The following PLD1 variants were observed in gnomAD, a reference collection of about 807,000 sequenced individuals.
The protein encoded by PLD1 is choline phosphatase 1.
PLD1 carries 112 observed loss-of-function variants against 137.1 expected under a neutral mutation model. The ratio of observed to expected loss-of-function variants is 0.82; its 90% confidence interval spans 0.70 to 0.96. The LOEUF is 0.96. Among genes scored for constraint, PLD1 ranks in the 40% least tolerant of loss-of-function variants. PLD1 has a pLI of 0.00. For missense variants in PLD1, 1,321 were observed against 1,342.0 expected (o/e 0.98, Z 0.24); for synonymous variants, 431 against 454.7 (o/e 0.95, Z 0.66).
chr3:171,637,433 C>G (rs930336158), intron 23 of PLD1, among the ~76,000 whole-genome samples: 3 of 151,704 alleles, frequency 2.0e-5, no homozygotes, highest in African/African-American at 7.3e-5. Context: ...ATGGGTTTCA[C>G]CATGTTGGCC....
At chr3:171,656,725 T>C (rs975075673) in intron 21 of PLD1, among the ~76,000 whole-genome samples, 7 of 152,342 alleles carry the variant, frequency 4.6e-5, no homozygotes, top group South Asian at 2.1e-4. Flanking sequence ...CAGGATATGA[T>C]GGATGCTGTA....
At chr3:171,723,802 A>C (rs1035913516) in intron 8 of PLD1, among the ~76,000 whole-genome samples, 1 of 152,094 alleles carries the variant, frequency 6.6e-6, no homozygotes, top group Non-Finnish European at 1.5e-5. Flanking sequence ...TCTTTTGTCC[A>C]TTTTTAAATC....
chr3:171,752,368 T>C (rs1359994261), intron 1 of PLD1, among the ~76,000 whole-genome samples: 2 of 152,218 alleles, frequency 1.3e-5, no homozygotes, highest in Non-Finnish European at 2.9e-5. Flanking sequence ...AGGGACTCAG[T>C]GAATTTTTAT....
chr3:171,635,742 A>T (rs919064880), intron 23 of PLD1, among the ~76,000 whole-genome samples: 2 of 151,918 alleles, frequency 1.3e-5, no homozygotes, highest in African/African-American at 4.8e-5. Context: ...GATAATGTTC[A>T]TTGGAGCACA....
At chr3:171,773,870 TC>T (rs1722497834) in intron 1 of PLD1, among the ~76,000 whole-genome samples, 1 of 152,068 alleles carries the variant, frequency 6.6e-6, no homozygotes, top group East Asian at 2.0e-4. Context: ...TGCCTCAGCC[TC>T]CCGAGTAGCT....
At chr3:171,690,595 T>G (rs4894494) in intron 13 of PLD1, among the ~76,000 whole-genome samples, 78,767 of 152,044 alleles carry the variant, frequency 0.52, 21,714 homozygotes, top group African/African-American at 0.72. Flanking sequence ...ATTTTTGTTT[T>G]ATCATTGCTT....
rs554563927 is a variant in PLD1 at position 171,787,707 on chromosome 3, T to C, written c.-32+22692A>G. On this transcript the variant is annotated intron_variant, in intron 1 of 26. Transcript: ENST00000351298. ...GGGGGCATGGTACAAACAAGGAAGG[T>C]TGATACAAGTTAAAGAACAGCCACC... 5.3e-5 allele frequency among the ~76,000 whole-genome samples: 8 copies of C among 152,240 alleles called. No individual in the cohort carries two copies. The South Asian group carries it at 6.2e-4, about 12-fold the overall frequency.
chr3:171,759,199 C>T (rs142165359), intron 1 of PLD1, among the ~76,000 whole-genome samples: 1 of 152,028 alleles, frequency 6.6e-6, no homozygotes, highest in African/African-American at 2.4e-5. Context: ...TCTTTTTAAG[C>T]GGTATGCCTT....
intron 3 of PLD1, among the ~76,000 whole-genome samples, chr3:171,736,348 T>G (rs1361440748): frequency 1.3e-5 from 2 of 152,182 alleles, no homozygotes; most frequent in South Asian, 4.1e-4. Flanking sequence ...GTTAAGTCAC[T>G]CATTCAAGAT....
At chr3:171,617,173 C>T (rs905672804) in intron 24 of PLD1, among the ~76,000 whole-genome samples, 2 of 152,188 alleles carry the variant, frequency 1.3e-5, no homozygotes, top group African/African-American at 4.8e-5. Context: ...CCACTCCATC[C>T]CTGTATCCAT....
chr3:171,804,580 A>G (rs9290435), intron 1 of PLD1, among the ~76,000 whole-genome samples: 48,128 of 152,078 alleles, frequency 0.32, 7,993 homozygotes, highest in Admixed American at 0.37. Context: ...AAGACAGACA[A>G]TAGAAAAAAT....
At chr3:171,720,598 T>A (rs9880430) in intron 8 of PLD1, among the ~76,000 whole-genome samples, 1 of 150,926 alleles carries the variant, frequency 6.6e-6, no homozygotes, top group Non-Finnish European at 1.5e-5. Context: ...AAAAAAAAAG[T>A]CTTCCACTGT....
intron 8 of PLD1, among the ~76,000 whole-genome samples, chr3:171,716,143 G>A (rs372789565): frequency 1.1e-3 from 174 of 152,226 alleles, no homozygotes; most frequent in African/African-American, 4.1e-3. Flanking sequence ...TACTACAGAT[G>A]GGTATTTAGG....
At chr3:171,759,538 A>C (rs1721255044) in intron 1 of PLD1, among the ~76,000 whole-genome samples, 1 of 152,186 alleles carries the variant, frequency 6.6e-6, no homozygotes, top group Non-Finnish European at 1.5e-5. Context: ...GTAAGTAGGT[A>C]GTAGTAGAAG....
intron 20 of PLD1, among the ~76,000 whole-genome samples, chr3:171,659,511 CT>C (rs1385060658): frequency 6.6e-6 from 1 of 152,206 alleles, no homozygotes; most frequent in African/African-American, 2.4e-5. Context: ...ACCTGTAACA[CT>C]TAATCAAGTG....
At chr3:171,750,938 T>C (rs568800665) in intron 1 of PLD1, among the ~76,000 whole-genome samples, 1 of 151,876 alleles carries the variant, frequency 6.6e-6, no homozygotes, top group East Asian at 1.9e-4. Flanking sequence ...CTGAAAGAAA[T>C]AAAATTTTAC....
chr3:171,716,818 G>T (rs755469607), intron 8 of PLD1, among the ~76,000 whole-genome samples: 1 of 152,172 alleles, frequency 6.6e-6, no homozygotes, highest in East Asian at 1.9e-4. Flanking sequence ...ATATTTGCCC[G>T]TTCCAATGTC....
In PLD1 at chr3:171,676,750, C is replaced by A; in HGVS notation, c.2080G>T (p.Ala694Ser). 6.2e-7 allele frequency: 1 copy of A among 1,614,006 alleles called. No homozygotes were observed. The highest frequency in any genetic ancestry group is 8.5e-7 in the Non-Finnish European group (1 of 1,179,870). ...TTCCAGCGCTGGATGAAGTGACGTG[C>A]CACATCACGAGCCGCCTTCCCGTGG... is the stretch of plus-strand genomic sequence containing the variant. ...AVHGKAARDV[A>S]RHFIQRWNFT... Residue 694 changes from alanine to serine, a missense_variant, in exon 18 of 27, where the codon GCA becomes TCA. Coordinates refer to ENST00000351298, the MANE Select transcript of PLD1 (RefSeq NM_002662.5).
intron 23 of PLD1, among the ~76,000 whole-genome samples, chr3:171,632,416 G>A (rs190472241): frequency 3.3e-5 from 5 of 152,058 alleles, no homozygotes; most frequent in African/African-American, 1.2e-4. Context: ...TAAGACAACT[G>A]GCAATATTTC....
Sources: allele counts gnomAD v4.1 joint callset (sites outside exome capture counted in the v4.1 genomes callset), GRCh38; gene constraint gnomAD v4.1.1; transcripts MANE v1.5; gene names NCBI Gene and HGNC (gene_info 2026-07-23, HGNC 2026-07-21).